NUP62CL: variants seen among roughly 807,000 people sequenced by gnomAD.
The protein encoded by NUP62CL is nucleoporin-62 C-terminal-like protein.
NUP62CL carries 13 observed loss-of-function variants against 15.3 expected under a neutral mutation model. That is an observed-to-expected ratio of 0.85 (90% CI 0.55 to 1.35). NUP62CL has a LOEUF of 1.35. Among genes scored for constraint, NUP62CL ranks in the 40% most tolerant of loss-of-function variants. The pLI, the probability that NUP62CL is intolerant of heterozygous loss-of-function variation, is 0.00. For synonymous variants in NUP62CL, 54 were observed against 49.2 expected (o/e 1.10, Z -0.41); for missense variants, 123 against 130.6 (o/e 0.94, Z 0.28).
At chrX:107,153,072 T>C in intron 7 of NUP62CL, 100 bp downstream of exon 7, 1 of 770,566 alleles carries the variant, frequency 1.3e-6, no homozygotes, top group Non-Finnish European at 1.8e-6. Flanking sequence ...TACCGATTTG[T>C]ATTCCTTGCC....
chrX:107,166,845 T>C (rs955962399), intron 4 of NUP62CL, among the ~76,000 whole-genome samples: 2 of 111,816 alleles, frequency 1.8e-5, no homozygotes, highest in Admixed American at 9.5e-5. Context: ...TATGACTCTA[T>C]CTGTACAACA....
In NUP62CL at chrX:107,147,733, A is replaced by G; in HGVS notation, c.*42+10T>C. The G allele has an allele frequency of 9.1e-7, 1 of 1,094,879 alleles. No individual in the cohort carries two copies. The highest frequency in any genetic ancestry group is 1.3e-6 in the Non-Finnish European group (1 of 789,618). 90.2% of individuals were successfully genotyped at this position (1,094,879 alleles called of 1,213,427 possible). A position where few individuals can be genotyped will look rare whatever the true frequency, so the allele number is the denominator to read the frequency against. ...TAAATACACAGAGTGGCATACAAGC[A>G]AACTCCCACCTGAATTCCGATCAAT... On this transcript the variant is annotated intron_variant, in intron 8 of 8. Transcript: ENST00000372466.
At chrX:107,185,528 T>TA (rs1927040973) in intron 2 of NUP62CL, among the ~76,000 whole-genome samples, 2 of 110,998 alleles carry the variant, frequency 1.8e-5, no homozygotes, top group Non-Finnish European at 3.8e-5. Flanking sequence ...GCAATGCCAG[T>TA]AGACTGTGAT....
At chrX:107,191,770 A>G (rs1233619794) in intron 2 of NUP62CL, among the ~76,000 whole-genome samples, 1 of 111,814 alleles carries the variant, frequency 8.9e-6, no homozygotes, top group Admixed American at 9.5e-5. Context: ...AAACAACACA[A>G]GTTTTTGTTT....
At chrX:107,198,842 AG>A (rs1378473294) in intron 1 of NUP62CL, among the ~76,000 whole-genome samples, 5 of 112,608 alleles carry the variant, frequency 4.4e-5, no homozygotes, top group Non-Finnish European at 7.5e-5. Context: ...TCTTGAAGTC[AG>A]CGAGACCAAG....
In NUP62CL at chrX:107,189,926, A is replaced by AAAGG. The variant is rs1569365695; in HGVS notation, c.-48+3102_-48+3103insCCTT. Among the ~76,000 whole-genome samples, 21 of 107,937 alleles carry AAAGG rather than the reference A, an allele frequency of 1.9e-4. 1 individual carries two copies. The highest frequency in any genetic ancestry group is 6.5e-4 in the African/African-American group (19 of 29,154). The allele number at this position is 107,937 out of a possible 115,157, so 93.7% of individuals were successfully genotyped here. On this transcript the variant is annotated intron_variant, in intron 2 of 8. Coordinates refer to ENST00000372466, the MANE Select transcript of NUP62CL (RefSeq NM_017681.3). ...GAAAGAAAGAAAGAAAGAAAGAAAG[A>AAAGG]AAGAAAGAAAGAAAGAAAGAGAATC...
chrX:107,166,192 A>G (rs942859030), intron 4 of NUP62CL, among the ~76,000 whole-genome samples: 12 of 111,879 alleles, frequency 1.1e-4, no homozygotes, highest in Non-Finnish European at 2.3e-4. Context: ...AGTACATAAC[A>G]AACTCTGAAA....
chrX:107,137,804 A>G (rs1465573123), intron 8 of NUP62CL, among the ~76,000 whole-genome samples: 1 of 111,871 alleles, frequency 8.9e-6, no homozygotes, highest in Non-Finnish European at 1.9e-5. Context: ...TTCTCCCCAA[A>G]TTGATCTATA....
At chrX:107,194,811 CTTTTTTTTTTTTTT>C (rs1174813324) in intron 1 of NUP62CL, among the ~76,000 whole-genome samples, 87 of 46,310 alleles carry the variant, frequency 1.9e-3, no homozygotes, top group African/African-American at 7.4e-3. Context: ...TTCTTTCTCT[CTTTTTTTTTTTTTT>C]TTTTTTTTTT....
At chrX:107,166,703 T>C (rs1242781673) in intron 4 of NUP62CL, among the ~76,000 whole-genome samples, 1 of 111,626 alleles carries the variant, frequency 9.0e-6, no homozygotes, top group Non-Finnish European at 1.9e-5. Context: ...AAACAAACCA[T>C]GGTGCATCCA....
intron 4 of NUP62CL, among the ~76,000 whole-genome samples, chrX:107,157,737 C>G (rs1332362519): frequency 2.3e-4 from 25 of 110,100 alleles, no homozygotes; most frequent in Non-Finnish European, 4.4e-4. Context: ...GCAAAATCAC[C>G]AGCTAACATC....
chrX:107,152,809 AGAG>A (rs1314087497), intron 7 of NUP62CL, among the ~76,000 whole-genome samples: 1 of 112,328 alleles, frequency 8.9e-6, no homozygotes, highest in Non-Finnish European at 1.9e-5. Context: ...ATCAACATAA[AGAG>A]GAGACCATAA....
chrX:107,133,428 G>A (rs191551123), intron 8 of NUP62CL, among the ~76,000 whole-genome samples: 103 of 111,006 alleles, frequency 9.3e-4, no homozygotes, highest in African/African-American at 3.2e-3. Flanking sequence ...TTGAACTCCC[G>A]GGCTCAGGCA....
At chrX:107,200,631 AAGAGAG>A (rs780197630) in intron 1 of NUP62CL, among the ~76,000 whole-genome samples, 2 of 106,373 alleles carry the variant, frequency 1.9e-5, no homozygotes, top group African/African-American at 3.4e-5. Flanking sequence ...AAAAAAAAAA[AAGAGAG>A]AGAGAGAGAG....
At chrX:107,156,836 C>T (rs780554758) in intron 4 of NUP62CL, among the ~76,000 whole-genome samples, 2,027 of 104,545 alleles carry the variant, frequency 0.019, 78 homozygotes, top group African/African-American at 0.068. Context: ...CTCTGAGCTA[C>T]GGGAGGACAT....
chrX:107,189,354 C>T (rs1413828672), intron 2 of NUP62CL, among the ~76,000 whole-genome samples: 1 of 111,194 alleles, frequency 9.0e-6, no homozygotes, highest in Non-Finnish European at 1.9e-5. Context: ...AAAATCAGTA[C>T]ACAAATGTTC....
intron 4 of NUP62CL, among the ~76,000 whole-genome samples, chrX:107,160,467 A>T (rs1191754019): frequency 9.3e-6 from 1 of 107,929 alleles, no homozygotes; most frequent in Non-Finnish European, 1.9e-5. Context: ...AGCCCTCAGA[A>T]ATAACGCCGC....
At chrX:107,189,433 T>A (rs1569365437) in intron 2 of NUP62CL, among the ~76,000 whole-genome samples, 2 of 110,481 alleles carry the variant, frequency 1.8e-5, no homozygotes, top group Non-Finnish European at 1.9e-5. Context: ...ATAATAGTTT[T>A]AAAAAAACTG....
At chrX:107,131,156 A>G (rs144348386) in intron 8 of NUP62CL, among the ~76,000 whole-genome samples, 1,189 of 111,869 alleles carry the variant, frequency 0.011, 14 homozygotes, top group African/African-American at 0.037. Context: ...TGTTTTTCAT[A>G]AACCTGAAAA....
Sources: allele counts gnomAD v4.1 joint callset (sites outside exome capture counted in the v4.1 genomes callset), GRCh38; gene constraint gnomAD v4.1.1; transcripts MANE v1.5; gene names NCBI Gene and HGNC (gene_info 2026-07-23, HGNC 2026-07-21).